RARB: variants seen among roughly 807,000 people sequenced by gnomAD.
RARB encodes the protein retinoic acid receptor beta, also known as HBV-activated protein.
A neutral mutation model predicts 51.9 loss-of-function variants in RARB; 17 were observed. That is an observed-to-expected ratio of 0.33 (90% confidence interval 0.22 to 0.49). The LOEUF (loss-of-function observed/expected upper bound fraction) is 0.49, where lower values mean the gene tolerates loss of function less well. Ranked by LOEUF, RARB falls within the 20% of genes least tolerant of loss-of-function variation. The probability of loss-of-function intolerance (pLI) is 0.99; values close to 1 mark genes in which losing one functional copy is unlikely to be tolerated. For missense variants in RARB, 369 were observed against 550.8 expected (o/e 0.67, Z 3.30); for synonymous variants, 215 against 195.4 (o/e 1.10, Z -0.84).
chr3:25,042,866 C>T (rs1246690398), intron 2 of RARB, among the ~76,000 whole-genome samples: 1 of 152,200 alleles, frequency 6.6e-6, no homozygotes, highest in Non-Finnish European at 1.5e-5. Context: ...TCCTCTACCC[C>T]TCCAGCCCCT....
chr3:25,115,882 C>T (rs1699679695), intron 3 of RARB, among the ~76,000 whole-genome samples: 1 of 152,126 alleles, frequency 6.6e-6, no homozygotes, highest in African/African-American at 2.4e-5. Context: ...CCTCCTGCCT[C>T]AGCCTCCCAA....
chr3:25,490,694 G>A (rs184314637), intron 2 of RARB, among the ~76,000 whole-genome samples: 289 of 150,388 alleles, frequency 1.9e-3, no homozygotes, highest in African/African-American at 6.6e-3. Context: ...CAGCTATTTT[G>A]TTGCATTTTT....
chr3:25,098,544 A>G (rs1341390007), intron 3 of RARB, among the ~76,000 whole-genome samples: 1 of 152,190 alleles, frequency 6.6e-6, no homozygotes, highest in Non-Finnish European at 1.5e-5. Context: ...TGCTGGGAAA[A>G]GATGAACCTA....
chr3:25,118,187 C>G (rs1699722599), intron 3 of RARB, among the ~76,000 whole-genome samples: 1 of 152,170 alleles, frequency 6.6e-6, no homozygotes, highest in Non-Finnish European at 1.5e-5. Context: ...GTGTCCTCAT[C>G]ATAAACGCAG....
At chr3:25,372,098 C>T (rs1393082610) in intron 5 of RARB, among the ~76,000 whole-genome samples, 3 of 152,138 alleles carry the variant, frequency 2.0e-5, no homozygotes, top group Admixed American at 6.5e-5. Context: ...TCCTTTGAAA[C>T]CTTGTAGGCC....
At chr3:25,186,940 T>TGTGTGTGTGTGTG in intron 5 of RARB, among the ~76,000 whole-genome samples, 14 of 148,462 alleles carry the variant, frequency 9.4e-5, no homozygotes, top group South Asian at 2.1e-4. Context: ...TGTGTGTGTG[T>TGTGTGTGTGTGTG]TTTCCTGCTA....
At chr3:25,502,676 A>G (rs1422714168) in intron 3 of RARB, among the ~76,000 whole-genome samples, 1 of 152,166 alleles carries the variant, frequency 6.6e-6, no homozygotes, top group Non-Finnish European at 1.5e-5. Context: ...AGGCTGGTTC[A>G]ATGAGAGGGA....
chr3:25,017,269 A>G (rs1388237682), intron 2 of RARB, among the ~76,000 whole-genome samples: 1 of 142,518 alleles, frequency 7.0e-6, no homozygotes, highest in Non-Finnish European at 1.5e-5. Context: ...CTCGATTGTG[A>G]CTAATTTCTC....
At chr3:24,868,407 T>A (rs1225393299) in intron 2 of RARB, among the ~76,000 whole-genome samples, 4 of 152,194 alleles carry the variant, frequency 2.6e-5, no homozygotes, top group Non-Finnish European at 5.9e-5. Context: ...CTTTATATAT[T>A]AACTCTGTCG....
chr3:25,086,306 A>G (rs1333411947), intron 3 of RARB, among the ~76,000 whole-genome samples: 2 of 152,192 alleles, frequency 1.3e-5, no homozygotes, highest in Non-Finnish European at 2.9e-5. Context: ...TAGTGGGCAA[A>G]GTAACTTCAG....
At chr3:25,093,131 C>T (rs1369348876) in intron 3 of RARB, among the ~76,000 whole-genome samples, 1 of 152,122 alleles carries the variant, frequency 6.6e-6, no homozygotes, top group African/African-American at 2.4e-5. Flanking sequence ...ACAGTGGACA[C>T]GTTGCTCATG....
At chr3:25,074,415 A>G (rs1383850736) in intron 3 of RARB, among the ~76,000 whole-genome samples, 2 of 152,084 alleles carry the variant, frequency 1.3e-5, no homozygotes, top group Non-Finnish European at 2.9e-5. Context: ...TCCTGGTGCT[A>G]TTTCCCGTTA....
intron 3 of RARB, among the ~76,000 whole-genome samples, chr3:25,562,788 C>T (rs563997663): frequency 3.9e-5 from 6 of 152,272 alleles, no homozygotes; most frequent in African/African-American, 1.4e-4. Context: ...GCTGCCCTTA[C>T]CAGCCCAGAC....
intron 2 of RARB, among the ~76,000 whole-genome samples, chr3:24,928,623 G>A (rs1695368747): frequency 6.6e-6 from 1 of 151,856 alleles, no homozygotes; most frequent in Non-Finnish European, 1.5e-5. Flanking sequence ...AAGCTTCTCA[G>A]CAAAAAGTGT....
chr3:24,966,110 T>G (rs201405533), intron 2 of RARB, among the ~76,000 whole-genome samples: 13 of 35,026 alleles, frequency 3.7e-4, no homozygotes, highest in African/African-American at 9.1e-4. Flanking sequence ...TTTTTTTTTT[T>G]TGGTTATTTT....
intron 2 of RARB, among the ~76,000 whole-genome samples, chr3:24,945,857 A>G (rs1297492025): frequency 6.6e-6 from 1 of 152,256 alleles, no homozygotes; most frequent in Non-Finnish European, 1.5e-5. Flanking sequence ...AGGCCAATGC[A>G]TCATAGTTAA....
chr3:25,358,289 A>C (rs746761024), intron 5 of RARB, among the ~76,000 whole-genome samples: 3 of 152,106 alleles, frequency 2.0e-5, no homozygotes, highest in Non-Finnish European at 4.4e-5. Flanking sequence ...TTTCTCTATT[A>C]TTGGTGTATA....
intron 5 of RARB, among the ~76,000 whole-genome samples, chr3:25,397,578 C>T (rs1236686383): frequency 2.0e-5 from 3 of 152,156 alleles, no homozygotes; most frequent in Admixed American, 6.5e-5. Context: ...TGAAACCTCT[C>T]GATAATAATT....
At chr3:25,158,638 G>A (rs1044043908) in intron 4 of RARB, among the ~76,000 whole-genome samples, 3 of 152,124 alleles carry the variant, frequency 2.0e-5, no homozygotes, top group East Asian at 3.8e-4. Context: ...AAAAATTGAA[G>A]TACAAATATA....
Sources: allele counts gnomAD v4.1 joint callset (sites outside exome capture counted in the v4.1 genomes callset), GRCh38; gene constraint gnomAD v4.1.1; transcripts MANE v1.5; gene names NCBI Gene and HGNC (gene_info 2026-07-23, HGNC 2026-07-21).